Variants in ACTR3 observed in about 807,000 individuals in gnomAD.
ACTR3 encodes the protein actin related protein 3.
A neutral mutation model predicts 56.8 loss-of-function variants in ACTR3; 12 were observed. That is an observed-to-expected ratio of 0.21 (90% CI 0.14 to 0.34). ACTR3 has a LOEUF of 0.34. Among genes scored for constraint, ACTR3 ranks in the 10% least tolerant of loss-of-function variants. The pLI is 1.00. For synonymous variants in ACTR3, 162 were observed against 167.4 expected (o/e 0.97, Z 0.25); for missense variants, 282 against 512.5 (o/e 0.55, Z 4.34).
chr2:113,962,468 A>G lies in ACTR3; in HGVS notation c.*5013A>G, dbSNP rs1680340552. ...TTGATTTAGAGATGACTTAATTCTA[A>G]ACTTCCTCCATTTTTAATTAATAAG... is the stretch of plus-strand genomic sequence containing the variant. On this transcript the variant is annotated 3_prime_UTR_variant, in exon 12 of 12. Transcript: ENST00000263238. 6.6e-6 allele frequency: 1 copy of G among 152,010 alleles called. No homozygotes were observed. Among genetic ancestry groups the G allele is most frequent in the Non-Finnish European group, 1.5e-5 (1 of 67,908 alleles). 9.4% of individuals were successfully genotyped at this position (152,010 alleles called of 1,614,324 possible). A position where few individuals can be genotyped will look rare whatever the true frequency, so the allele number is the denominator to read the frequency against.
chr2:113,890,548 C>T (rs893373078), intron 1 of ACTR3: 8 of 1,377,556 alleles, frequency 5.8e-6, no homozygotes, highest in Non-Finnish European at 5.6e-6. Flanking sequence ...GATTCAACCC[C>T]CAACCCTCCC....
intron 1 of ACTR3, among the ~76,000 whole-genome samples, chr2:113,899,316 G>A (rs1406164708): frequency 6.6e-6 from 1 of 152,138 alleles, no homozygotes; most frequent in Non-Finnish European, 1.5e-5. Context: ...ATTACTTACT[G>A]TAATTATTTT....
intron 1 of ACTR3, among the ~76,000 whole-genome samples, chr2:113,891,245 TAAAC>T (rs1678888613): frequency 6.6e-6 from 1 of 152,144 alleles, no homozygotes; most frequent in Non-Finnish European, 1.5e-5. Context: ...CCCTGGAAAA[TAAAC>T]TAATTTAAGT....
chr2:113,936,507 C>G (rs1460608267), intron 6 of ACTR3, among the ~76,000 whole-genome samples: 1 of 152,038 alleles, frequency 6.6e-6, no homozygotes, highest in African/African-American at 2.4e-5. Flanking sequence ...CTTTAACTTA[C>G]CACTGTCTAA....
chr2:113,890,312 C>T lies in ACTR3; in HGVS notation c.33C>T (p.Asp11=), dbSNP rs541623313. ...GACGGCTGCCGGCCTGTGTGGTGGA[C>T]TGTGGCACGGGGTAAGGGGGCTTAC... MAGRLPACVV[D]CGTGYTKLGY... is the part of the protein sequence containing the mutation. Residue 11 remains aspartate, a synonymous_variant, in exon 1 of 12, where the codon GAC becomes GAT. Transcript: ENST00000263238. 3.3e-6 allele frequency: 4 copies of T among 1,198,886 alleles called. No homozygotes were observed. The highest frequency in any genetic ancestry group is 5.5e-5 in the East Asian group (1 of 18,108). The allele number at this position is 1,198,886 out of a possible 1,614,324, so 74.3% of individuals were successfully genotyped here.
intron 1 of ACTR3, among the ~76,000 whole-genome samples, chr2:113,897,186 T>C (rs1679022731): frequency 6.6e-6 from 1 of 152,104 alleles, no homozygotes; most frequent in Non-Finnish European, 1.5e-5. Flanking sequence ...TTATGAATTA[T>C]TAGATAGGAG....
Position 113,960,650 on chromosome 2 carries a change from G to A in ACTR3, c.*3195G>A, listed in dbSNP as rs1574391008. 6.6e-6 allele frequency: 1 copy of A among 151,916 alleles called. No homozygotes were observed. The highest frequency in any genetic ancestry group is 6.6e-5 in the Admixed American group (1 of 15,228). The allele number at this position is 151,916 out of a possible 1,614,324, so 9.4% of individuals were successfully genotyped here. ...CATTCTGGGCTAATCTGTCAATACT[G>A]AAGTCCAGTCTTTTCCCCCTTTTCT... On this transcript the variant is annotated 3_prime_UTR_variant, in exon 12 of 12. Transcript: ENST00000263238.
chr2:113,960,102 T>A lies in ACTR3; in HGVS notation c.*2647T>A, dbSNP rs1392856210. The A allele has an allele frequency of 6.6e-6, 1 of 152,036 alleles. No individual in the cohort carries two copies. Among genetic ancestry groups the A allele is most frequent in the Non-Finnish European group, 1.5e-5 (1 of 67,918 alleles). The allele number at this position is 152,036 out of a possible 1,614,324, so 9.4% of individuals were successfully genotyped here. On this transcript the variant is annotated 3_prime_UTR_variant, in exon 12 of 12. Transcript: ENST00000263238. ...GCCTTTTCTATTGATTCATTAGTGG[T>A]AGTAAAGGTATTATCTGATTTATCC...
chr2:113,924,417 C>G (rs946372761), intron 3 of ACTR3, among the ~76,000 whole-genome samples: 1 of 151,956 alleles, frequency 6.6e-6, no homozygotes, highest in Non-Finnish European at 1.5e-5. Flanking sequence ...CAATGTGGCC[C>G]CTTGTCGTCC....
chr2:113,961,317 C>G lies in ACTR3; in HGVS notation c.*3862C>G, dbSNP rs1323378022. On this transcript the variant is annotated 3_prime_UTR_variant, in exon 12 of 12. Transcript: ENST00000263238. ...CTTGGGTGCTGAAATTAAATATAAC[C>G]TATTTGAGTTAAGGATTTATTACTA... 6.6e-6 allele frequency: 1 copy of G among 151,668 alleles called. No homozygotes were observed. Among genetic ancestry groups the G allele is most frequent in the Non-Finnish European group, 1.5e-5 (1 of 67,852 alleles). 9.4% of individuals were successfully genotyped at this position (151,668 alleles called of 1,614,324 possible).
At chr2:113,902,599 G>GT (rs35712512) in intron 1 of ACTR3, among the ~76,000 whole-genome samples, 18,594 of 146,462 alleles carry the variant, frequency 0.13, 1,774 homozygotes, top group African/African-American at 0.28. Flanking sequence ...TTTTGGTTTA[G>GT]TTTTTTTTTT....
At chr2:113,955,836 C>T in intron 11 of ACTR3, 130 bp downstream of exon 11, 1 of 612,124 alleles carries the variant, frequency 1.6e-6, no homozygotes, top group South Asian at 2.3e-5. Context: ...CAACCTCCAC[C>T]TCCTGGGTTA....
chr2:113,891,023 C>T (rs1678883807), intron 1 of ACTR3, among the ~76,000 whole-genome samples: 1 of 152,176 alleles, frequency 6.6e-6, no homozygotes, highest in Non-Finnish European at 1.5e-5. Context: ...CCCCAGTGAG[C>T]AAGCGCGCTG....
intron 1 of ACTR3, among the ~76,000 whole-genome samples, chr2:113,898,544 A>G (rs6542181): frequency 0.3 from 45,296 of 152,110 alleles, 11,091 homozygotes; most frequent in African/African-American, 0.67. Flanking sequence ...GTTGAAGCCT[A>G]CATCAGAATT....
chr2:113,950,877 C>T (rs1424785474), intron 8 of ACTR3: 1 of 152,652 alleles, frequency 6.6e-6, no homozygotes, highest in Non-Finnish European at 1.5e-5. Flanking sequence ...GGGGAAGCCT[C>T]ACAATCATGG....
At chr2:113,916,500 G>T (rs1194617781) in intron 2 of ACTR3, among the ~76,000 whole-genome samples, 1 of 152,114 alleles carries the variant, frequency 6.6e-6, no homozygotes, top group African/African-American at 2.4e-5. Flanking sequence ...AATTATTCTT[G>T]AAGTTTTTTT....
chr2:113,956,586 G>A (rs925883020), intron 11 of ACTR3, among the ~76,000 whole-genome samples: 1 of 151,990 alleles, frequency 6.6e-6, no homozygotes, highest in Non-Finnish European at 1.5e-5. Context: ...CTGAATAAAG[G>A]GAATTATTCT....
At chr2:113,915,234 C>T (rs1027500936) in intron 2 of ACTR3, among the ~76,000 whole-genome samples, 6 of 152,270 alleles carry the variant, frequency 3.9e-5, no homozygotes, top group Middle Eastern at 6.8e-3. Context: ...AAAATCAATG[C>T]GTCAGCAGGG....
chr2:113,923,261 C>T (rs1171047136), intron 3 of ACTR3, among the ~76,000 whole-genome samples: 1 of 152,102 alleles, frequency 6.6e-6, no homozygotes, highest in Non-Finnish European at 1.5e-5. Flanking sequence ...TTTCATCCTT[C>T]TTGATTTGTC....
Sources: allele counts gnomAD v4.1 joint callset (sites outside exome capture counted in the v4.1 genomes callset), GRCh38; gene constraint gnomAD v4.1.1; transcripts MANE v1.5; gene names NCBI Gene and HGNC (gene_info 2026-07-23, HGNC 2026-07-21).